AMOTL1: variants seen among roughly 807,000 people sequenced by gnomAD.
The protein encoded by AMOTL1 is angiomotin-like protein 1.
Under a neutral mutation model 102.9 loss-of-function variants are expected in AMOTL1, and 45 were observed. The ratio of observed to expected loss-of-function variants is 0.44; its 90% CI spans 0.34 to 0.56. AMOTL1 has a LOEUF of 0.56. Among genes scored for constraint, AMOTL1 ranks in the 20% least tolerant of loss-of-function variants. The pLI, the probability that AMOTL1 is intolerant of heterozygous loss-of-function variation, is 0.01. For synonymous variants in AMOTL1, 481 were observed against 484.7 expected (o/e 0.99, Z 0.10); for missense variants, 1,114 against 1,225.6 (o/e 0.91, Z 1.36).
chr11:94,767,917 G>C (rs562668982), upstream of AMOTL1, among the ~76,000 whole-genome samples: 288 of 152,302 alleles, frequency 1.9e-3, no homozygotes, highest in Non-Finnish European at 3.1e-3. Flanking sequence ...TGGAAGCACT[G>C]GGGCCTGGGG....
chr11:94,827,172 A>G (rs1951984015), intron 4 of AMOTL1, among the ~76,000 whole-genome samples: 1 of 152,254 alleles, frequency 6.6e-6, no homozygotes, highest in East Asian at 1.9e-4. Flanking sequence ...TAGTCGAATC[A>G]GAGCCGCACA....
chr11:94,797,956 C>T (rs1315754453), intron 2 of AMOTL1, among the ~76,000 whole-genome samples: 1 of 152,086 alleles, frequency 6.6e-6, no homozygotes. Flanking sequence ...TTGGAACAAT[C>T]TTTCAAGGTA....
At chr11:94,727,102 GC>G (rs1950273637) in intron 1 of AMOTL1, among the ~76,000 whole-genome samples, 1 of 152,072 alleles carries the variant, frequency 6.6e-6, no homozygotes, top group African/African-American at 2.4e-5. Flanking sequence ...AGGCCACTGG[GC>G]CAAGAGAGAT....
At position 94,768,522 on chromosome 11, in the gene AMOTL1, C is replaced by G; in HGVS notation, c.11C>G (p.Ala4Gly). The change falls in exon 1 of 13, where the codon GCA (alanine) becomes GGA (glycine). Residue 4 changes from alanine to glycine, a missense_variant. Transcript: ENST00000433060. ...AGCCATGATCGCCTCATGTGGAGGG[C>G]AAAGTTGCGCCGGGGAACTTGTGAG... MWR[A>G]KLRRGTCEPA... The G allele has an allele frequency of 6.2e-7, 1 of 1,601,702 alleles. No individual in the cohort carries two copies. Among genetic ancestry groups the G allele is most frequent in the Non-Finnish European group, 8.5e-7 (1 of 1,174,642 alleles).
intron 11 of AMOTL1, chr11:94,866,818 C>T (rs1413675099): frequency 6.5e-6 from 1 of 154,214 alleles, no homozygotes; most frequent in Non-Finnish European, 1.4e-5. Flanking sequence ...GAAGTGCTCT[C>T]TCGCATAAGG....
upstream of AMOTL1, among the ~76,000 whole-genome samples, chr11:94,766,201 T>A (rs1950852918): frequency 6.6e-6 from 1 of 152,224 alleles, no homozygotes; most frequent in African/African-American, 2.4e-5. Context: ...TTCCTTTTTA[T>A]CACCTCTGTC....
At chr11:94,740,882 G>A in intron 2 of AMOTL1, 35 of 1,263,044 alleles carry the variant, frequency 2.8e-5, no homozygotes, top group Non-Finnish European at 3.6e-5. Context: ...GTGCTTGTGC[G>A]GGTTCGTCCT....
rs1315861615 is a variant in AMOTL1 at position 94,800,946 on chromosome 11, TA to T, written c.1121+636del. 2.0e-5 allele frequency among the ~76,000 whole-genome samples: 3 copies of T among 152,206 alleles called. No homozygotes were observed. In the East Asian group the frequency reaches 5.8e-4, roughly 29 times the overall value. On this transcript the variant is annotated intron_variant, in intron 3 of 12. Coordinates refer to ENST00000433060, the MANE Select transcript of AMOTL1 (RefSeq NM_130847.3). ...GTTGATTGATGGATTCAGCAGCACC[TA>T]CTGAGTGTATGCTGTACTCTGAAGC...
chr11:94,809,772 C>T (rs911715719), intron 3 of AMOTL1, among the ~76,000 whole-genome samples: 9 of 152,114 alleles, frequency 5.9e-5, no homozygotes, highest in African/African-American at 9.7e-5. Flanking sequence ...TTACATTTCA[C>T]GAATACTTTT....
intron 1 of AMOTL1, among the ~76,000 whole-genome samples, chr11:94,794,722 G>A (rs1951335420): frequency 6.6e-6 from 1 of 152,130 alleles, no homozygotes; most frequent in Admixed American, 6.5e-5. Context: ...ACTTTCGCTG[G>A]TGCTGCTGCA....
chr11:94,840,749 C>T (rs1269617612), intron 6 of AMOTL1, among the ~76,000 whole-genome samples: 1 of 146,450 alleles, frequency 6.8e-6, no homozygotes, highest in Non-Finnish European at 1.5e-5. Flanking sequence ...TATAATAATG[C>T]CTTAATGCCT....
At chr11:94,745,133 T>C (rs1412204155) in intron 3 of AMOTL1, among the ~76,000 whole-genome samples, 1 of 152,078 alleles carries the variant, frequency 6.6e-6, no homozygotes, top group Non-Finnish European at 1.5e-5. Flanking sequence ...TAGGTATACA[T>C]GTACCATGTT....
At chr11:94,781,431 C>T (rs549388725) in intron 1 of AMOTL1, among the ~76,000 whole-genome samples, 31 of 152,314 alleles carry the variant, frequency 2.0e-4, no homozygotes, top group African/African-American at 7.5e-4. Flanking sequence ...TTCTCCTTGA[C>T]TTTTACATCT....
intron 1 of AMOTL1, among the ~76,000 whole-genome samples, chr11:94,724,777 G>A (rs1014732259): frequency 5.9e-5 from 9 of 152,204 alleles, no homozygotes; most frequent in African/African-American, 1.9e-4. Flanking sequence ...ATTCATTTTT[G>A]TATGTCAGTA....
In AMOTL1 at chr11:94,821,776, C is replaced by T. The variant is rs1223590790; in HGVS notation, c.1368C>T (p.His456=). 2 of 1,614,004 alleles carry T rather than the reference C, an allele frequency of 1.2e-6. No homozygotes were observed. Among genetic ancestry groups the T allele is most frequent in the South Asian group, 1.1e-5 (1 of 91,076 alleles). ...TAACAGAGGAGAACCGGGTGCTTCA[C>T]CAGGAACTTCAGGGTTACTACGACA... is the stretch of plus-strand genomic sequence containing the variant. ...EILTEENRVL[H]QELQGYYDNA... The change falls in exon 4 of 13, where the codon CAC becomes CAT. Residue 456 remains histidine, a synonymous_variant. Transcript: ENST00000433060.
chr11:94,787,011 ACACAGTCT>A (rs1951200384), intron 1 of AMOTL1, among the ~76,000 whole-genome samples: 1 of 152,130 alleles, frequency 6.6e-6, no homozygotes, highest in Non-Finnish European at 1.5e-5. Context: ...GGTGAATAAG[ACACAGTCT>A]CTGTTGTTAT....
In AMOTL1 at chr11:94,853,922, T is replaced by C; in HGVS notation, c.1795-11T>C. 2 of 1,605,698 alleles carry C rather than the reference T, an allele frequency of 1.2e-6. No individual in the cohort carries two copies. Among genetic ancestry groups the C allele is most frequent in the Non-Finnish European group, 1.7e-6 (2 of 1,175,924 alleles). On this transcript the variant is annotated splice_polypyrimidine_tract_variant and intron_variant, in intron 7 of 12. Coordinates refer to ENST00000433060, the MANE Select transcript of AMOTL1 (RefSeq NM_130847.3). ...TAAATTCTGTGCTCTTTTTTACTCT[T>C]CTCCACTCAGTTACGAGAGAAGCAA...
chr11:94,873,113 G>A lies in AMOTL1; in HGVS notation c.*2318G>A, dbSNP rs1592057410. On this transcript the variant is annotated 3_prime_UTR_variant, in exon 13 of 13. Coordinates refer to ENST00000433060, the MANE Select transcript of AMOTL1 (RefSeq NM_130847.3). ...GAGAGACCCAGCTGTTTCTCCCGAA[G>A]CCTCGTCTTCATGCCCCAGACACCT... The A allele has an allele frequency of 6.6e-6, 1 of 152,114 alleles. No homozygotes were observed. The highest frequency in any genetic ancestry group is 1.9e-4 in the East Asian group (1 of 5,180). 9.4% of individuals were successfully genotyped at this position (152,114 alleles called of 1,614,324 possible).
chr11:94,825,032 G>A (rs546967492), intron 4 of AMOTL1, among the ~76,000 whole-genome samples: 1 of 152,304 alleles, frequency 6.6e-6, no homozygotes, highest in African/African-American at 2.4e-5. Flanking sequence ...GTTAATGTTG[G>A]AATGATGGTC....
Sources: gnomAD v4.1 joint callset for allele counts (sites outside exome capture counted in the v4.1 genomes callset) on GRCh38, gnomAD v4.1.1 for gene constraint, MANE v1.5 for transcripts, NCBI Gene and HGNC (gene_info 2026-07-23, HGNC 2026-07-21) for gene names.